The following PCDHA8 variants were observed in gnomAD, a reference collection of about 807,000 sequenced individuals.
PCDHA8 encodes protocadherin alpha 8.
A neutral mutation model predicts 61.8 loss-of-function variants in PCDHA8; 53 were observed. The ratio of observed to expected loss-of-function variants is 0.86; its 90% confidence interval spans 0.69 to 1.08. PCDHA8 has a LOEUF of 1.08. Among genes scored for constraint, PCDHA8 ranks in the 50% least tolerant of loss-of-function variants. The pLI is 0.00. For missense variants in PCDHA8, 1,293 were observed against 1,245.0 expected (o/e 1.04, Z -0.58); for synonymous variants, 618 against 556.6 (o/e 1.11, Z -1.55).
At chr5:140,919,932 C>A (rs2079357842) in intron 1 of PCDHA8, among the ~76,000 whole-genome samples, 1 of 151,968 alleles carries the variant, frequency 6.6e-6, no homozygotes, top group Non-Finnish European at 1.5e-5. Flanking sequence ...CAGGTGGGGG[C>A]TAATTCCAGT....
chr5:140,915,328 A>G (rs1554196854), intron 1 of PCDHA8, among the ~76,000 whole-genome samples: 1 of 152,100 alleles, frequency 6.6e-6, no homozygotes. Context: ...CAGTGTTATA[A>G]TATTCTGTGT....
chr5:140,890,128 G>T (rs1402157838), intron 1 of PCDHA8, among the ~76,000 whole-genome samples: 2 of 152,156 alleles, frequency 1.3e-5, no homozygotes, highest in East Asian at 3.9e-4. Context: ...CACTTTGGTA[G>T]CTTGAAATTG....
rs150855027 is a variant in PCDHA8, at chr5:140,842,426, A to G, written c.1105A>G (p.Ile369Val). ...TGAAGACGCTCAATTTGGTACTGTC[A>G]TCGCCCTAATTAGCGTGAACGACCT... ...VREDAQFGTV[I>V]ALISVNDLDS... The change falls in exon 1 of 4, where the codon ATC (isoleucine) becomes GTC (valine). Residue 369 changes from isoleucine to valine, a missense_variant. Transcript: ENST00000531613. 1 of 1,613,494 alleles carries G rather than the reference A, an allele frequency of 6.2e-7. No homozygotes were observed. Among genetic ancestry groups the G allele is most frequent in the African/African-American group, 1.3e-5 (1 of 74,804 alleles).
In PCDHA8 at chr5:140,851,743, G is replaced by A. The variant is rs1045115703; in HGVS notation, c.2394+8028G>A. ...ACTTCGAGTTCTTTTGAAATTCAGA[G>A]TCTGTAACTTAAAACATTACCCTTA... On this transcript the variant is annotated intron_variant, in intron 1 of 3. Transcript: ENST00000531613. 3 of 972,104 alleles carry A rather than the reference G, an allele frequency of 3.1e-6. 1 individual carries two copies. The highest frequency in any genetic ancestry group is 3.7e-6 in the Non-Finnish European group (3 of 804,720). 60.2% of individuals were successfully genotyped at this position (972,104 alleles called of 1,614,324 possible).
Position 140,870,545 on chromosome 5 carries a change from C to T in PCDHA8, c.2394+26830C>T, listed in dbSNP as rs1029944968. The T allele has an allele frequency of 1.2e-6, 2 of 1,614,108 alleles. No individual in the cohort carries two copies. Among genetic ancestry groups the T allele is most frequent in the Admixed American group, 1.7e-5 (1 of 60,034 alleles). On this transcript the variant is annotated intron_variant, in intron 1 of 3. Coordinates refer to ENST00000531613, the MANE Select transcript of PCDHA8 (RefSeq NM_018911.3). The stretch of plus-strand genomic sequence containing the variant: ...ATCTTCACAGTGTCGGCGCGGGACG[C>T]GGACGCGCAGGAGAACGCGCTGGTG...
rs370812126 is a variant in PCDHA8, at chr5:140,869,802, G to A, written c.2394+26087G>A. On this transcript the variant is annotated intron_variant, in intron 1 of 3. Coordinates refer to ENST00000531613, the MANE Select transcript of PCDHA8 (RefSeq NM_018911.3). ...CCGTTCGGCTGTTAGTCCAAGTCTT[G>A]GATGTCAACGACAATGATCCAGAGT... 12 of 1,612,438 alleles carry A rather than the reference G, an allele frequency of 7.4e-6. No homozygotes were observed. The African/African-American group carries it at 1.3e-4, about 18-fold the overall frequency.
chr5:140,980,819 A>C (rs1178317133), intron 2 of PCDHA8, among the ~76,000 whole-genome samples: 1 of 152,216 alleles, frequency 6.6e-6, no homozygotes, highest in East Asian at 1.9e-4. Context: ...TGAACATATT[A>C]AATGAGTTGT....
intron 1 of PCDHA8, chr5:140,883,731 C>T (rs1287936712): frequency 6.2e-7 from 1 of 1,613,446 alleles, no homozygotes; most frequent in East Asian, 2.2e-5. Flanking sequence ...CAGGAGAACG[C>T]GCTGGTCTCC....
intron 1 of PCDHA8, chr5:140,871,072 G>A: frequency 6.2e-7 from 1 of 1,613,238 alleles, no homozygotes; most frequent in Non-Finnish European, 8.5e-7. Context: ...CGGTGAGCCG[G>A]CGCTGACGGC....
intron 1 of PCDHA8, chr5:140,870,820 G>A (rs1554164732): frequency 6.2e-7 from 1 of 1,613,748 alleles, no homozygotes; most frequent in Non-Finnish European, 8.5e-7. Context: ...TGGCAGCGCG[G>A]GAGGCGCAGT....
intron 1 of PCDHA8, chr5:140,870,842 T>G (rs781830221): frequency 6.2e-7 from 1 of 1,613,798 alleles, no homozygotes; most frequent in Non-Finnish European, 8.5e-7. Flanking sequence ...AACAAGCTAG[T>G]ACCGCGGTCG....
chr5:140,931,314 A>G (rs782684940), intron 1 of PCDHA8, among the ~76,000 whole-genome samples: 3 of 152,176 alleles, frequency 2.0e-5, no homozygotes, highest in Non-Finnish European at 4.4e-5. Context: ...GGAGAATACC[A>G]GTAATGGCTG....
chr5:140,877,168 C>T lies in PCDHA8; in HGVS notation c.2394+33453C>T, dbSNP rs199567490. The T allele has an allele frequency of 1.0e-4, 161 of 1,613,836 alleles. No homozygotes were observed. In the African/African-American group the frequency reaches 2.0e-3, roughly 20 times the overall value. On this transcript the variant is annotated intron_variant, in intron 1 of 3. Coordinates refer to ENST00000531613, the MANE Select transcript of PCDHA8 (RefSeq NM_018911.3). ...CGAGAACGACAACGCGCCGGCACTG[C>T]TGGCGACTCCGGCTGGCAGCGCAGG...
chr5:140,863,997 T>A (rs1186516549), intron 1 of PCDHA8: 1 of 152,666 alleles, frequency 6.6e-6, no homozygotes, highest in African/African-American at 2.4e-5. Context: ...TGAAACTCTG[T>A]CTTAAAAAAA....
intron 1 of PCDHA8, chr5:140,847,657 A>C (rs1362536934): frequency 3.3e-5 from 5 of 149,954 alleles, no homozygotes; most frequent in South Asian, 2.1e-4. Context: ...TTATTCATAG[A>C]TTATAAAGCT....
intron 1 of PCDHA8, chr5:140,871,080 G>A: frequency 6.2e-7 from 1 of 1,613,212 alleles, no homozygotes; most frequent in Non-Finnish European, 8.5e-7. Flanking sequence ...CGGCGCTGAC[G>A]GCCACGGCCA....
chr5:140,962,248 A>G (rs782618740), intron 1 of PCDHA8, among the ~76,000 whole-genome samples: 5 of 152,182 alleles, frequency 3.3e-5, no homozygotes, highest in Non-Finnish European at 5.9e-5. Context: ...ATTTTCTTCA[A>G]TGAAAAATAA....
intron 1 of PCDHA8, among the ~76,000 whole-genome samples, chr5:140,901,194 T>A (rs562699930): frequency 2.7e-4 from 41 of 152,236 alleles, no homozygotes; most frequent in Non-Finnish European, 5.1e-4. Flanking sequence ...TGCTTTTCTG[T>A]GCAGAAGGTT....
intron 1 of PCDHA8, among the ~76,000 whole-genome samples, chr5:140,911,105 G>A (rs960375597): frequency 3.2e-4 from 48 of 152,082 alleles, no homozygotes; most frequent in African/African-American, 1.2e-3. Flanking sequence ...CTGCCTCAGG[G>A]GAAGCCATCA....
Sources: allele counts gnomAD v4.1 joint callset (sites outside exome capture counted in the v4.1 genomes callset), GRCh38; gene constraint gnomAD v4.1.1; transcripts MANE v1.5; gene names NCBI Gene and HGNC (gene_info 2026-07-23, HGNC 2026-07-21).